ATP6V0A4: variants seen among roughly 807,000 people sequenced by gnomAD.
ATP6V0A4 encodes the protein ATPase H+ transporting V0 subunit a4, also known as V-type proton ATPase 116 kDa subunit a 4.
Under a neutral mutation model 107.3 loss-of-function variants are expected in ATP6V0A4, and 86 were observed. The ratio of observed to expected loss-of-function variants is 0.80; its 90% CI spans 0.67 to 0.96. The LOEUF (loss-of-function observed/expected upper bound fraction) is 0.96. ATP6V0A4 is among the 40% of genes least tolerant of loss of function. The pLI, the probability that ATP6V0A4 is intolerant of heterozygous loss-of-function variation, is 0.00. For missense variants in ATP6V0A4, 908 were observed against 1,045.6 expected (o/e 0.87, Z 1.81); for synonymous variants, 353 against 381.4 (o/e 0.93, Z 0.87).
intron 19 of ATP6V0A4, among the ~76,000 whole-genome samples, chr7:138,716,131 T>G (rs538548561): frequency 6.6e-6 from 1 of 151,942 alleles, no homozygotes; most frequent in African/African-American, 2.4e-5. Context: ...TAAGGGGAGA[T>G]GAGATTTGTG....
At chr7:138,739,845 T>C (rs1554394885) in intron 14 of ATP6V0A4, 1 of 428,546 alleles carries the variant, frequency 2.3e-6, no homozygotes, top group Non-Finnish European at 3.1e-6. Context: ...TGATGTGCTA[T>C]AGTAAAGAAA....
chr7:138,784,236 GTA>G (rs869254063), intron 2 of ATP6V0A4, among the ~76,000 whole-genome samples: 3,216 of 16,738 alleles, frequency 0.19, 110 homozygotes, highest in Admixed American at 0.31. Context: ...ATATATATAC[GTA>G]TATATATATA....
At chr7:138,792,452 A>C (rs1808459043) in intron 1 of ATP6V0A4, among the ~76,000 whole-genome samples, 1 of 152,206 alleles carries the variant, frequency 6.6e-6, no homozygotes, top group Non-Finnish European at 1.5e-5. Flanking sequence ...TAATCTTAAA[A>C]AGCAACAAAA....
intron 14 of ATP6V0A4, among the ~76,000 whole-genome samples, chr7:138,744,336 C>G (rs1805796936): frequency 6.9e-6 from 1 of 145,866 alleles, no homozygotes; most frequent in Admixed American, 7.0e-5. Flanking sequence ...CTCCTGGATT[C>G]AAGCAGTTCT....
intron 11 of ATP6V0A4, among the ~76,000 whole-genome samples, chr7:138,752,064 G>C (rs113702061): frequency 0.013 from 1,920 of 152,262 alleles, 38 homozygotes; most frequent in African/African-American, 0.044. Context: ...CTAGCTGAGA[G>C]ACTGGCACAT....
chr7:138,780,426 GC>G (rs1807865994), intron 2 of ATP6V0A4, among the ~76,000 whole-genome samples: 1 of 152,136 alleles, frequency 6.6e-6, no homozygotes, highest in South Asian at 2.1e-4. Context: ...CAGCTATGTG[GC>G]CCAGTTCCTA....
intron 2 of ATP6V0A4, among the ~76,000 whole-genome samples, chr7:138,776,656 G>A (rs142284311): frequency 2.6e-5 from 4 of 152,122 alleles, no homozygotes; most frequent in African/African-American, 4.8e-5. Context: ...GTTTTCAAAC[G>A]TCTGGGTGCT....
At chr7:138,761,293 C>T (rs529267765) in intron 7 of ATP6V0A4, among the ~76,000 whole-genome samples, 1 of 151,810 alleles carries the variant, frequency 6.6e-6, no homozygotes, top group Non-Finnish European at 1.5e-5. Context: ...GATTGCACCT[C>T]TGCACTCCAG....
At chr7:138,783,794 CTT>C (rs1808024924) in intron 2 of ATP6V0A4, among the ~76,000 whole-genome samples, 1 of 152,196 alleles carries the variant, frequency 6.6e-6, no homozygotes, top group African/African-American at 2.4e-5. Flanking sequence ...GAGACAATCT[CTT>C]TGAACCATGA....
chr7:138,752,477 G>A, intron 11 of ATP6V0A4, 148 bp downstream of exon 11: 1 of 981,632 alleles, frequency 1.0e-6, no homozygotes, highest in South Asian at 1.4e-5. Flanking sequence ...GTCCTCGAGT[G>A]GGGTTGATAA....
At chr7:138,772,697 C>T (rs182310680) in intron 2 of ATP6V0A4, among the ~76,000 whole-genome samples, 54 of 152,280 alleles carry the variant, frequency 3.5e-4, no homozygotes, top group African/African-American at 1.2e-3. Flanking sequence ...CCATTGCCAC[C>T]AGCCCGCACA....
At chr7:138,753,660 C>G (rs112947125) in intron 10 of ATP6V0A4, among the ~76,000 whole-genome samples, 1,682 of 152,272 alleles carry the variant, frequency 0.011, 32 homozygotes, top group African/African-American at 0.037. Flanking sequence ...TCTTTTTCAG[C>G]ACACATGGCC....
chr7:138,798,068 G>C lies in ATP6V0A4; in HGVS notation c.-155C>G, dbSNP rs751828183. 2.1e-5 allele frequency: 33 copies of C among 1,572,172 alleles called. No individual in the cohort carries two copies. In the Admixed American group the frequency reaches 5.5e-4, roughly 26 times the overall value. ...GCACTCGGCACAACTCCGCAGGACC[G>C]GCTCACCTGCACCGGGCACTCAGCA... On this transcript the variant is annotated 5_prime_UTR_variant, in exon 1 of 22. Transcript: ENST00000310018.
At chr7:138,733,141 C>A in intron 16 of ATP6V0A4, 48 bp from the exon 17 acceptor site, 1 of 1,610,834 alleles carries the variant, frequency 6.2e-7, no homozygotes. Flanking sequence ...ATCAAGGGAA[C>A]GTTAGGACTT....
At chr7:138,728,518 C>T (rs985527754) in intron 18 of ATP6V0A4, among the ~76,000 whole-genome samples, 2 of 149,276 alleles carry the variant, frequency 1.3e-5, no homozygotes, top group African/African-American at 5.0e-5. Flanking sequence ...TGGGCTACTG[C>T]GACCAGCCGA....
At chr7:138,789,340 T>A (rs1808304387) in intron 1 of ATP6V0A4, among the ~76,000 whole-genome samples, 1 of 151,824 alleles carries the variant, frequency 6.6e-6, no homozygotes. Flanking sequence ...CTCTGCCTCC[T>A]GGGTTCAAGC....
intron 19 of ATP6V0A4, among the ~76,000 whole-genome samples, chr7:138,719,920 G>A (rs1346273313): frequency 6.6e-6 from 1 of 152,034 alleles, no homozygotes; most frequent in East Asian, 1.9e-4. Context: ...AGCTACTCGG[G>A]AGGCTGAGGC....
At chr7:138,794,481 T>C (rs1808565642) in intron 1 of ATP6V0A4, among the ~76,000 whole-genome samples, 1 of 152,194 alleles carries the variant, frequency 6.6e-6, no homozygotes, top group Non-Finnish European at 1.5e-5. Context: ...CCTACTTCTT[T>C]TCTTTTTCAC....
intron 21 of ATP6V0A4, among the ~76,000 whole-genome samples, chr7:138,708,743 T>C (rs1803580435): frequency 6.6e-6 from 1 of 152,318 alleles, no homozygotes; most frequent in South Asian, 2.1e-4. Context: ...TTTCATACCT[T>C]GTTGGTATAA....
Sources: gnomAD v4.1 joint callset for allele counts (sites outside exome capture counted in the v4.1 genomes callset) on GRCh38, gnomAD v4.1.1 for gene constraint, MANE v1.5 for transcripts, NCBI Gene and HGNC (gene_info 2026-07-23, HGNC 2026-07-21) for gene names.